LMNTD1: variants seen among roughly 807,000 people sequenced by gnomAD.
LMNTD1 encodes lamin tail domain-containing protein 1.
Under a neutral mutation model 50.9 loss-of-function variants are expected in LMNTD1, and 35 were observed. The observed-to-expected ratio is 0.69, with a 90% CI of 0.53 to 0.91. The LOEUF is 0.91. Ranked by LOEUF, LMNTD1 falls within the 40% of genes least tolerant of loss-of-function variation. LMNTD1 has a pLI of 0.00. For missense variants in LMNTD1, 470 were observed against 475.5 expected (o/e 0.99, Z 0.11); for synonymous variants, 153 against 161.9 (o/e 0.94, Z 0.42).
intron 4 of LMNTD1, among the ~76,000 whole-genome samples, chr12:25,537,888 G>C (rs1198804503): frequency 6.7e-6 from 1 of 148,438 alleles, no homozygotes; most frequent in Non-Finnish European, 1.5e-5. Context: ...AGGAGCTGAT[G>C]GAGCTGAAAA....
chr12:25,573,125 T>G (rs1415128574), intron 1 of LMNTD1, among the ~76,000 whole-genome samples: 1 of 152,132 alleles, frequency 6.6e-6, no homozygotes, highest in African/African-American at 2.4e-5. Context: ...TTTCTCCAAA[T>G]TCAGAGAATC....
chr12:25,616,435 A>G (rs917626263), intron 1 of LMNTD1, among the ~76,000 whole-genome samples: 28 of 152,198 alleles, frequency 1.8e-4, no homozygotes, highest in Admixed American at 9.8e-4. Flanking sequence ...GCCAATCCCT[A>G]AAGGTTACAT....
At chr12:25,553,627 T>C (rs1029276641), upstream of LMNTD1, among the ~76,000 whole-genome samples, 1 of 152,082 alleles carries the variant, frequency 6.6e-6, no homozygotes, top group Non-Finnish European at 1.5e-5. Context: ...ACCATAAAAC[T>C]TCAATGCAAA....
intron 1 of LMNTD1, chr12:25,648,355 T>C (rs1947117712): frequency 3.0e-6 from 2 of 671,442 alleles, no homozygotes; most frequent in African/African-American, 3.6e-5. Context: ...ATTTCACGTT[T>C]ATGAAAAAAA....
rs879693674 is a variant in LMNTD1 at position 25,487,577 on chromosome 12, A to T, written c.*23-11117T>A. Among the ~76,000 whole-genome samples, 314 of 136,172 alleles carry T rather than the reference A, an allele frequency of 2.3e-3. 2 individuals carry two copies. The highest frequency in any genetic ancestry group is 6.2e-3 in the Admixed American group (76 of 12,162). 89.3% of individuals were successfully genotyped at this position (136,172 alleles called of 152,430 possible). ...GAATACAGCACACTGATAGGTCTTG[A>T]CTCTTTATCCAATTTGCCTGTCTGT... On this transcript the variant is annotated intron_variant, in intron 9 of 9. Coordinates refer to ENST00000458174, the MANE Select transcript of LMNTD1 (RefSeq NM_001145728.2).
Position 25,552,865 on chromosome 12 carries a change from G to A in LMNTD1, c.89+6C>T, listed in dbSNP as rs1445611976. On this transcript the variant is annotated splice_donor_region_variant and intron_variant, in intron 2 of 9. Coordinates refer to ENST00000458174, the MANE Select transcript of LMNTD1 (RefSeq NM_001145728.2). Reference sequence around the variant, plus strand: ...CTCTGCTTCCATCGCATCTATGCATGCTCACTGTTTTTGTTTCTCATTCTT... The same window carrying A: ...CTCTGCTTCCATCGCATCTATGCATACTCACTGTTTTTGTTTCTCATTCTT... The A allele has an allele frequency of 4.0e-6, 6 of 1,495,750 alleles. No individual in the cohort carries two copies. The highest frequency in any genetic ancestry group is 5.5e-6 in the Non-Finnish European group (6 of 1,096,142). The allele number at this position is 1,495,750 out of a possible 1,614,324, so 92.7% of individuals were successfully genotyped here. A position where few individuals can be genotyped will look rare whatever the true frequency, so the allele number is the denominator to read the frequency against.
At chr12:25,596,660 T>C (rs565963998) in intron 1 of LMNTD1, among the ~76,000 whole-genome samples, 30 of 152,100 alleles carry the variant, frequency 2.0e-4, no homozygotes, top group African/African-American at 6.5e-4. Context: ...CAAGAAATGC[T>C]AAAGGGAGTA....
At chr12:25,481,947 T>C (rs1938462283) in intron 9 of LMNTD1, among the ~76,000 whole-genome samples, 1 of 151,608 alleles carries the variant, frequency 6.6e-6, no homozygotes, top group Non-Finnish European at 1.5e-5. Context: ...TAGGTTTGTA[T>C]TTAAAGACCC....
chr12:25,493,403 C>A (rs1024117172), intron 9 of LMNTD1, among the ~76,000 whole-genome samples: 1 of 152,170 alleles, frequency 6.6e-6, no homozygotes, highest in African/African-American at 2.4e-5. Flanking sequence ...AGGGGTCCTA[C>A]AAAGGTGGTG....
intron 1 of LMNTD1, among the ~76,000 whole-genome samples, chr12:25,571,339 T>TTTTTTTTATTTA (rs903664540): frequency 2.0e-5 from 3 of 148,700 alleles, no homozygotes; most frequent in African/African-American, 5.0e-5. Context: ...AAAAAAGTAT[T>TTTTTTTTATTTA]TTTATTTATT....
chr12:25,596,677 TA>T (rs1945851280), intron 1 of LMNTD1, among the ~76,000 whole-genome samples: 2 of 151,852 alleles, frequency 1.3e-5, no homozygotes, highest in Admixed American at 6.6e-5. Context: ...AGTACTTCAA[TA>T]GAAAGAAAAA....
Position 25,477,100 on chromosome 12 carries a change from A to G in LMNTD1, c.*23-640T>C, listed in dbSNP as rs111997376. 5.1e-4 allele frequency among the ~76,000 whole-genome samples: 77 copies of G among 152,346 alleles called. 1 individual carries two copies. The highest frequency in any genetic ancestry group is 1.7e-3 in the African/African-American group (72 of 41,580). On this transcript the variant is annotated intron_variant, in intron 9 of 9. Coordinates refer to ENST00000458174, the MANE Select transcript of LMNTD1 (RefSeq NM_001145728.2). ...CATTAACCTCCTGAAAGCAGATGAG[A>G]CATTTGAATGTAGGCTATATGAACG...
At chr12:25,624,138 T>C (rs1050691595) in intron 1 of LMNTD1, among the ~76,000 whole-genome samples, 3 of 152,204 alleles carry the variant, frequency 2.0e-5, no homozygotes, top group African/African-American at 7.2e-5. Context: ...CTTCAACATG[T>C]ACTGAAAACA....
intron 8 of LMNTD1, among the ~76,000 whole-genome samples, chr12:25,505,479 A>AAGCAGCAC (rs1441924319): frequency 6.6e-6 from 1 of 152,196 alleles, no homozygotes; most frequent in Non-Finnish European, 1.5e-5. Flanking sequence ...CAATTGTAAG[A>AAGCAGCAC]AGCAGCACAT....
chr12:25,541,090 T>G (rs1943035528), intron 4 of LMNTD1, among the ~76,000 whole-genome samples: 1 of 87,804 alleles, frequency 1.1e-5, no homozygotes, highest in South Asian at 3.5e-4. Flanking sequence ...TACAAACAAA[T>G]GGAAGAACAT....
At chr12:25,611,718 G>A (rs1356574148) in intron 1 of LMNTD1, among the ~76,000 whole-genome samples, 1 of 152,144 alleles carries the variant, frequency 6.6e-6, no homozygotes, top group Non-Finnish European at 1.5e-5. Context: ...CATGAGTACT[G>A]CTAAAATATT....
intron 9 of LMNTD1, among the ~76,000 whole-genome samples, chr12:25,492,666 C>G (rs1201199043): frequency 6.6e-6 from 1 of 152,060 alleles, no homozygotes; most frequent in Non-Finnish European, 1.5e-5. Flanking sequence ...CTTTGGTAAA[C>G]CTTTTTTCAA....
chr12:25,600,373 A>C (rs757632504), intron 1 of LMNTD1, among the ~76,000 whole-genome samples: 1 of 152,130 alleles, frequency 6.6e-6, no homozygotes, highest in Non-Finnish European at 1.5e-5. Context: ...GAAATTCTCC[A>C]GGACATTGGT....
chr12:25,490,804 C>T (rs571154961), intron 9 of LMNTD1, among the ~76,000 whole-genome samples: 22 of 152,322 alleles, frequency 1.4e-4, no homozygotes, highest in African/African-American at 5.3e-4. Context: ...GATGTGCACA[C>T]TAACCACCCA....
Sources: gnomAD v4.1 joint callset for allele counts (sites outside exome capture counted in the v4.1 genomes callset) on GRCh38, gnomAD v4.1.1 for gene constraint, MANE v1.5 for transcripts, NCBI Gene and HGNC (gene_info 2026-07-23, HGNC 2026-07-21) for gene names.